GBE1: variants seen among roughly 807,000 people sequenced by gnomAD.
The protein encoded by GBE1 is 1,4-alpha-glucan-branching enzyme.
A neutral mutation model predicts 88.8 loss-of-function variants in GBE1; 70 were observed. That is an observed-to-expected ratio of 0.79 (90% CI 0.65 to 0.96). GBE1 has a LOEUF of 0.96. GBE1 is among the 40% of genes least tolerant of loss of function. GBE1 has a pLI of 0.00. For missense variants in GBE1, 872 were observed against 871.0 expected (o/e 1.00, Z -0.01); for synonymous variants, 284 against 300.1 (o/e 0.95, Z 0.56).
At chr3:81,568,222 A>G (rs1179403600) in intron 12 of GBE1, among the ~76,000 whole-genome samples, 1 of 151,882 alleles carries the variant, frequency 6.6e-6, no homozygotes, top group Non-Finnish European at 1.5e-5. Context: ...ATCTGGTCTC[A>G]CTGCAACCTC....
At chr3:81,668,169 AT>A (rs1295568282) in intron 3 of GBE1, among the ~76,000 whole-genome samples, 19 of 152,134 alleles carry the variant, frequency 1.2e-4, no homozygotes, top group African/African-American at 4.1e-4. Flanking sequence ...GAGTTGAACA[AT>A]GAGAATACAC....
intron 1 of GBE1, among the ~76,000 whole-genome samples, chr3:81,749,077 C>T (rs934852936): frequency 2.6e-5 from 4 of 151,848 alleles, no homozygotes; most frequent in African/African-American, 7.3e-5. Context: ...ATGCTTGCCA[C>T]GTGACCCAGC....
intron 14 of GBE1, among the ~76,000 whole-genome samples, chr3:81,515,818 C>G (rs1702791524): frequency 6.6e-6 from 1 of 151,546 alleles, no homozygotes; most frequent in South Asian, 2.1e-4. Context: ...TTTTGGTGGT[C>G]TGGATCTAAG....
At chr3:81,667,480 A>T (rs987159617) in intron 3 of GBE1, among the ~76,000 whole-genome samples, 7 of 152,098 alleles carry the variant, frequency 4.6e-5, no homozygotes, top group African/African-American at 1.7e-4. Context: ...TTCTAATACT[A>T]TGTTGAATAG....
At chr3:81,579,266 A>G (rs182897419) in intron 11 of GBE1, among the ~76,000 whole-genome samples, 250 of 152,134 alleles carry the variant, frequency 1.6e-3, no homozygotes, top group Non-Finnish European at 3.0e-3. Flanking sequence ...TTATTTATTC[A>G]TTTTTATGTA....
intron 5 of GBE1, 139 bp from the exon 6 acceptor site, chr3:81,646,621 A>C (rs2107066536): frequency 1.7e-6 from 1 of 579,854 alleles, no homozygotes; most frequent in Non-Finnish European, 3.0e-6. Context: ...AAGTTCTACT[A>C]CTTTAACATT....
chr3:81,666,629 GAAACTATGT>G (rs372279715), intron 3 of GBE1, among the ~76,000 whole-genome samples: 34 of 152,192 alleles, frequency 2.2e-4, no homozygotes, highest in African/African-American at 8.2e-4. Flanking sequence ...GTAAGTTCAG[GAAACTATGT>G]AAACTGAAAA....
intron 12 of GBE1, among the ~76,000 whole-genome samples, chr3:81,549,194 T>C (rs925654996): frequency 4.6e-5 from 7 of 151,000 alleles, no homozygotes. Context: ...CATGCCGAGC[T>C]AATTGTTGTA....
Position 81,573,754 on chromosome 3 carries a change from T to TCC in GBE1, c.1618+4170_1618+4171insGG, listed in dbSNP as rs377295792. Among the ~76,000 whole-genome samples, 293 of 132,806 alleles carry TCC rather than the reference T, an allele frequency of 2.2e-3. 1 individual carries two copies. Among genetic ancestry groups the TCC allele is most frequent in the South Asian group, 9.2e-3 (40 of 4,342 alleles). 87.1% of individuals were successfully genotyped at this position (132,806 alleles called of 152,430 possible). ...GAATTTGCTCTAAGTCAATTTGCCT[T>TCC]CTCTCTCTCTCTCTCTCTCTCTGTG... On this transcript the variant is annotated intron_variant, in intron 12 of 15. Transcript: ENST00000429644.
chr3:81,755,496 G>C (rs1233870047), intron 1 of GBE1, among the ~76,000 whole-genome samples: 1 of 152,066 alleles, frequency 6.6e-6, no homozygotes, highest in Non-Finnish European at 1.5e-5. Flanking sequence ...AATAAAATCA[G>C]TATGTTGAAA....
chr3:81,564,486 G>A (rs1703465386), intron 12 of GBE1, among the ~76,000 whole-genome samples: 1 of 152,106 alleles, frequency 6.6e-6, no homozygotes, highest in African/African-American at 2.4e-5. Context: ...GAAAGAATTA[G>A]AGATAGTTAG....
chr3:81,758,249 G>C (rs1437778790), intron 1 of GBE1, among the ~76,000 whole-genome samples: 2 of 152,202 alleles, frequency 1.3e-5, no homozygotes, highest in Non-Finnish European at 2.9e-5. Flanking sequence ...TTAAATACCG[G>C]ATCTGAAAGT....
At chr3:81,552,635 T>A (rs1703287932) in intron 12 of GBE1, among the ~76,000 whole-genome samples, 1 of 151,336 alleles carries the variant, frequency 6.6e-6, no homozygotes, top group Non-Finnish European at 1.5e-5. Context: ...CACATAAATG[T>A]GGTAGAATGA....
At chr3:81,623,390 C>A (rs1704359758) in intron 7 of GBE1, among the ~76,000 whole-genome samples, 1 of 152,196 alleles carries the variant, frequency 6.6e-6, no homozygotes, top group African/African-American at 2.4e-5. Flanking sequence ...ATCTTGACCA[C>A]ACACTAATAG....
chr3:81,575,830 CAT>C (rs936560089), intron 12 of GBE1, among the ~76,000 whole-genome samples: 3 of 152,062 alleles, frequency 2.0e-5, no homozygotes, highest in Non-Finnish European at 4.4e-5. Context: ...ACTCAGAAAA[CAT>C]ACAAACAAAG....
At chr3:81,536,197 C>A (rs1293894323) in intron 13 of GBE1, among the ~76,000 whole-genome samples, 2 of 151,496 alleles carry the variant, frequency 1.3e-5, no homozygotes, top group African/African-American at 2.4e-5. Flanking sequence ...TATATAAATA[C>A]CTTTGTTCAG....
At chr3:81,531,382 C>T (rs141625172) in intron 14 of GBE1, among the ~76,000 whole-genome samples, 259 of 151,752 alleles carry the variant, frequency 1.7e-3, no homozygotes, top group Non-Finnish European at 2.4e-3. Context: ...CCTCTCCTTT[C>T]CTCAGGCAGG....
chr3:81,699,871 G>A (rs767887980), intron 2 of GBE1, among the ~76,000 whole-genome samples: 28 of 152,126 alleles, frequency 1.8e-4, no homozygotes, highest in Non-Finnish European at 2.4e-4. Context: ...ACCATCACAA[G>A]CCTCCATAAA....
At chr3:81,735,801 G>A (rs1193860493) in intron 1 of GBE1, among the ~76,000 whole-genome samples, 2 of 152,114 alleles carry the variant, frequency 1.3e-5, no homozygotes, top group African/African-American at 4.8e-5. Flanking sequence ...GCTCCAAAGG[G>A]CTCCTATTAT....
Sources: allele counts gnomAD v4.1 joint callset (sites outside exome capture counted in the v4.1 genomes callset), GRCh38; gene constraint gnomAD v4.1.1; transcripts MANE v1.5; gene names NCBI Gene and HGNC (gene_info 2026-07-23, HGNC 2026-07-21).